Variants in KMT2C observed in about 807,000 individuals in gnomAD.
KMT2C encodes histone-lysine N-methyltransferase 2C.
In KMT2C, 88 loss-of-function variants were observed where a neutral mutation model predicts 507.9. That is an observed-to-expected ratio of 0.17 (90% CI 0.15 to 0.21). The LOEUF (loss-of-function observed/expected upper bound fraction) is 0.21, where lower values mean the gene tolerates loss of function less well. Among genes scored for constraint, KMT2C ranks in the 10% least tolerant of loss-of-function variants. The probability of loss-of-function intolerance (pLI) is 1.00; values close to 1 mark genes in which losing one functional copy is unlikely to be tolerated. For synonymous variants in KMT2C, 2,049 were observed against 2,080.8 expected (o/e 0.98, Z 0.42); for missense variants, 4,954 against 5,957.8 (o/e 0.83, Z 5.55).
At position 152,199,281 on chromosome 7, in the gene KMT2C, T is replaced by C; in HGVS notation, c.4271A>G (p.His1424Arg). 1 of 1,590,476 alleles carries C rather than the reference T, an allele frequency of 6.3e-7. No homozygotes were observed. Among genetic ancestry groups the C allele is most frequent in the Non-Finnish European group, 8.5e-7 (1 of 1,171,406 alleles). ...TATCTGTGAATAATTCTACATACCG[T>C]GAGTTCCAGATTTTGTTGGAGCCGA... is the stretch of plus-strand genomic sequence containing the variant. ...SSSAPTKSGT[H>R]GPADDPLADI... The change falls in exon 27 of 59, where the codon CAC becomes CGC. Residue 1424 changes from histidine to arginine, a missense_variant and splice_region_variant. Physicochemically the swap from His to Arg is conservative, Grantham distance 29 (BLOSUM62 0). Around this residue, in one of 29 missense-constraint regions of KMT2C, gnomAD observed 140 missense variants for 118.4 expected, o/e 1.18. Transcript: ENST00000262189.
chr7:152,317,757 G>A (rs2096734012), intron 3 of KMT2C, among the ~76,000 whole-genome samples: 1 of 152,124 alleles, frequency 6.6e-6, no homozygotes, highest in Non-Finnish European at 1.5e-5. Flanking sequence ...TGCAACCCCA[G>A]TGCTTTGGGA....
At chr7:152,198,285 G>A (rs1466773555) in intron 27 of KMT2C, among the ~76,000 whole-genome samples, 1 of 152,160 alleles carries the variant, frequency 6.6e-6, no homozygotes, top group Non-Finnish European at 1.5e-5. Flanking sequence ...GGGTAAGATT[G>A]CTTCTAATTA....
intron 3 of KMT2C, 50 bp from the exon 4 acceptor site, chr7:152,315,388 A>G: frequency 7.5e-7 from 1 of 1,339,628 alleles, no homozygotes; most frequent in Non-Finnish European, 1.1e-6. Flanking sequence ...AGCTTTATTC[A>G]ACTGCTTTAA....
rs61730539 is a variant in KMT2C, at chr7:152,181,908, T to G, written c.5952A>C (p.Leu1984=). The G allele has an allele frequency of 4.0e-3, 6,530 of 1,614,196 alleles. 15 individuals carry two copies. The highest frequency in any genetic ancestry group is 4.9e-3 in the Non-Finnish European group (5,775 of 1,180,038). ...MTDQFPKSLG[L]SRSPVVSEQT... ...GTTCTGAAACTACAGGAGACCGGGA[T>G]AGGCCCAAGGATTTGGGAAATTGAT... Residue 1984 remains leucine, a synonymous_variant, in exon 36 of 59, where the codon CTA becomes CTC. Coordinates refer to ENST00000262189, the MANE Select transcript of KMT2C (RefSeq NM_170606.3).
Position 152,385,399 on chromosome 7 carries a change from T to C in KMT2C, c.162-26724A>G, listed in dbSNP as rs1421091640. 2.2e-5 allele frequency among the ~76,000 whole-genome samples: 3 copies of C among 134,084 alleles called. 1 individual carries two copies. Among genetic ancestry groups the C allele is most frequent in the Admixed American group, 1.4e-4 (2 of 14,124 alleles). The allele number at this position is 134,084 out of a possible 152,430, so 88.0% of individuals were successfully genotyped here. A position where few individuals can be genotyped will look rare whatever the true frequency, so the allele number is the denominator to read the frequency against. ...AGGCCGAGGCGGGCGGATCACGAGG[T>C]CAGGAGATCGAGACCATCCCGGCTA... is the stretch of plus-strand genomic sequence containing the variant. On this transcript the variant is annotated intron_variant, in intron 1 of 58. Transcript: ENST00000262189.
intron 14 of KMT2C, among the ~76,000 whole-genome samples, chr7:152,244,860 TC>T (rs1341395358): frequency 6.6e-6 from 1 of 152,074 alleles, no homozygotes; most frequent in African/African-American, 2.4e-5. Flanking sequence ...AAAATAAGCA[TC>T]ATATTTCTCA....
chr7:152,224,259 G>C, intron 19 of KMT2C, 80 bp from the exon 20 acceptor site: 18 of 1,394,068 alleles, frequency 1.3e-5, no homozygotes, highest in Non-Finnish European at 1.8e-5. Flanking sequence ...AGCTACATAC[G>C]AACATAATGG....
chr7:152,409,947 A>G (rs1313072064), intron 1 of KMT2C, among the ~76,000 whole-genome samples: 1 of 151,986 alleles, frequency 6.6e-6, no homozygotes, highest in Admixed American at 6.5e-5. Context: ...GAGTTACTCT[A>G]CTATAGCTAA....
intron 6 of KMT2C, among the ~76,000 whole-genome samples, chr7:152,297,063 G>GACAGACAGAC (rs2096519632): frequency 1.5e-5 from 1 of 66,068 alleles, no homozygotes; most frequent in Non-Finnish European, 3.1e-5. Flanking sequence ...GACAGAGAGA[G>GACAGACAGAC]AGAGAGAGAG....
chr7:152,263,049 C>T lies in KMT2C; in HGVS notation c.1266G>A (p.Met422Ile). 1 of 1,612,978 alleles carries T rather than the reference C, an allele frequency of 6.2e-7. No individual in the cohort carries two copies. Among genetic ancestry groups the T allele is most frequent in the Non-Finnish European group, 8.5e-7 (1 of 1,179,672 alleles). ...TCCAGCCATTGGTTGGTACTGATTT[C>T]ATAACTGGTTGAAGACAAAAAGTAT... is the stretch of plus-strand genomic sequence containing the variant. ...GYHTFCLQPV[M>I]KSVPTNGWKC... Residue 422 changes from methionine (M) to isoleucine (I), a missense_variant, in exon 9 of 59, where the codon ATG (methionine) becomes ATA (isoleucine). Met to Ile is a conservative substitution (Grantham distance 10). Coordinates refer to ENST00000262189, the MANE Select transcript of KMT2C (RefSeq NM_170606.3).
intron 51 of KMT2C, 59 bp from the exon 52 acceptor site, chr7:152,149,211 T>TA: frequency 7.0e-7 from 1 of 1,433,692 alleles, no homozygotes; most frequent in Non-Finnish European, 9.1e-7. Context: ...GGAAAGCAAT[T>TA]CTTGTTAAGA....
Position 152,148,894 on chromosome 7 carries a change from A to G in KMT2C, c.13033T>C (p.Cys4345Arg), listed in dbSNP as rs780138876. The G allele has an allele frequency of 1.1e-5, 18 of 1,614,144 alleles. No individual in the cohort carries two copies. The Admixed American group carries it at 2.8e-4, about 25-fold the overall frequency. Residue 4345 changes from cysteine (C) to arginine (R), a missense_variant, in exon 52 of 59, where the codon TGC (cysteine) becomes CGC (arginine). Physicochemically the swap from Cys to Arg is radical, Grantham distance 180. Transcript: ENST00000262189. The surrounding 1 kb of genome is among the most constrained non-coding windows in gnomAD (Gnocchi z 7.1). ...LRAVHGGFED[C>R]RPLNKKWRGM... ...CTCCATTTTTTATTGAGCGGCCTGC[A>G]ATCTTCAAACCCACCATGGACAGCT...
At chr7:152,340,412 T>C (rs1207716835) in intron 2 of KMT2C, among the ~76,000 whole-genome samples, 1 of 152,184 alleles carries the variant, frequency 6.6e-6, no homozygotes, top group Non-Finnish European at 1.5e-5. Context: ...TGTGTAACCA[T>C]GTCCCTCCCT....
chr7:152,251,665 C>A (rs1241915872), intron 11 of KMT2C, among the ~76,000 whole-genome samples: 1 of 152,120 alleles, frequency 6.6e-6, no homozygotes, highest in East Asian at 1.9e-4. Flanking sequence ...GACTGGGGAA[C>A]TTCCACTGTC....
At chr7:152,154,523 T>C in intron 46 of KMT2C, 78 bp from the exon 47 acceptor site, 1 of 1,222,126 alleles carries the variant, frequency 8.2e-7, no homozygotes, top group Admixed American at 1.8e-5. Context: ...TGCTGACATC[T>C]GTGAATACAG....
intron 9 of KMT2C, among the ~76,000 whole-genome samples, chr7:152,262,457 G>A (rs1322321413): frequency 2.0e-5 from 3 of 152,214 alleles, no homozygotes; most frequent in Non-Finnish European, 2.9e-5. Context: ...GGCTCTGAAC[G>A]CCTCACCCTG....
chr7:152,216,515 T>C lies in KMT2C; in HGVS notation c.3712+4008A>G, dbSNP rs17173381. On this transcript the variant is annotated intron_variant, in intron 23 of 58. Coordinates refer to ENST00000262189, the MANE Select transcript of KMT2C (RefSeq NM_170606.3). ...AAACTGCACAGCTGAAGATCACTTA[T>C]AGTCAATAATACTTTTCAAACTTTA... Among the ~76,000 whole-genome samples the C allele has an allele frequency of 8.6e-3, 1,310 of 152,322 alleles. 21 individuals are homozygous for C. Among genetic ancestry groups the C allele is most frequent in the African/African-American group, 0.03 (1,263 of 41,562 alleles).
chr7:152,328,634 T>C (rs1469946367), intron 3 of KMT2C, among the ~76,000 whole-genome samples: 1 of 152,124 alleles, frequency 6.6e-6, no homozygotes, highest in East Asian at 1.9e-4. Flanking sequence ...GAATAATTTT[T>C]GCAACTGTGC....
intron 3 of KMT2C, among the ~76,000 whole-genome samples, chr7:152,327,409 G>A (rs2096838880): frequency 6.6e-6 from 1 of 152,156 alleles, no homozygotes; most frequent in Admixed American, 6.5e-5. Flanking sequence ...AAGCAAGAAG[G>A]TTAAGAACTA....
Sources: gnomAD v4.1 joint callset for allele counts (sites outside exome capture counted in the v4.1 genomes callset) on GRCh38, gnomAD v4.1.1 for gene constraint, gnomAD v4.1.1 regional missense constraint, Gnocchi (gnomAD v3.1) non-coding constraint, MANE v1.5 for transcripts, NCBI Gene and HGNC (gene_info 2026-07-23, HGNC 2026-07-21) for gene names.